DHRS3: variants seen among roughly 807,000 people sequenced by gnomAD.
The protein encoded by DHRS3 is dehydrogenase/reductase 3.
In DHRS3, 14 loss-of-function variants were observed where a neutral mutation model predicts 27.2. The observed-to-expected ratio is 0.52, with a 90% CI of 0.34 to 0.81. The LOEUF is 0.81. DHRS3 is among the 30% of genes least tolerant of loss of function. The pLI is 0.01. For missense variants in DHRS3, 322 were observed against 406.2 expected (o/e 0.79, Z 1.78); for synonymous variants, 165 against 175.9 (o/e 0.94, Z 0.49).
At chr1:12,597,091 G>C (rs144403670) in intron 1 of DHRS3, among the ~76,000 whole-genome samples, 2 of 151,688 alleles carry the variant, frequency 1.3e-5, no homozygotes, top group African/African-American at 4.8e-5. Flanking sequence ...ATCTCCCCCC[G>C]CCCTAGACGG....
chr1:12,597,799 C>T (rs574826541), intron 1 of DHRS3, among the ~76,000 whole-genome samples: 4 of 152,306 alleles, frequency 2.6e-5, no homozygotes, highest in African/African-American at 9.6e-5. Context: ...CCACATCATT[C>T]GCAGGGTCCC....
Position 12,594,409 on chromosome 1 carries a change from T to C in DHRS3, c.196-13743A>G, listed in dbSNP as rs1183257075. Among the ~76,000 whole-genome samples, 1 of 152,210 alleles carries C rather than the reference T, an allele frequency of 6.6e-6. No homozygotes were observed. The highest frequency in any genetic ancestry group is 2.4e-5 in the African/African-American group (1 of 41,460). On this transcript the variant is annotated intron_variant, in intron 1 of 5. Coordinates refer to ENST00000616661, the MANE Select transcript of DHRS3 (RefSeq NM_004753.7). This position sits in a 1 kb window ranked among gnomAD's most constrained non-coding sequence, Gnocchi z 4.1. Reference sequence around the variant, plus strand: ...TGTGTAAGTCCGGGGACAATGAGCATGAACACTTGTTCACGTGAACGAATG... The same window carrying C: ...TGTGTAAGTCCGGGGACAATGAGCACGAACACTTGTTCACGTGAACGAATG...
At chr1:12,603,747 A>C (rs1646851346) in intron 1 of DHRS3, among the ~76,000 whole-genome samples, 1 of 152,200 alleles carries the variant, frequency 6.6e-6, no homozygotes, top group Non-Finnish European at 1.5e-5. Context: ...AGGCTGCTGA[A>C]AAGAGGATTT....
intron 5 of DHRS3, among the ~76,000 whole-genome samples, chr1:12,572,262 G>C (rs1646544395): frequency 6.6e-6 from 1 of 152,150 alleles, no homozygotes; most frequent in Non-Finnish European, 1.5e-5. Flanking sequence ...CCACCTCCTG[G>C]GTTCACACCA....
rs1646948521 is a variant in DHRS3 at position 12,616,907 on chromosome 1, G to A, written c.195+247C>T. 1.8e-5 allele frequency: 17 copies of A among 926,368 alleles called. No individual in the cohort carries two copies. The South Asian group carries it at 2.9e-4, about 16-fold the overall frequency. The allele number at this position is 926,368 out of a possible 1,614,324, so 57.4% of individuals were successfully genotyped here. On this transcript the variant is annotated intron_variant, in intron 1 of 5. Coordinates refer to ENST00000616661, the MANE Select transcript of DHRS3 (RefSeq NM_004753.7). The stretch of plus-strand genomic sequence containing the variant: ...GGGTCTCTTAGGTTTCAGGGTGGGG[G>A]TGAATAGCCAGTCAGCCAGCCACCG...
At chr1:12,600,380 T>C in intron 1 of DHRS3, 1 of 985,382 alleles carries the variant, frequency 1.0e-6, no homozygotes, top group South Asian at 4.7e-5. Flanking sequence ...TGCCATCCCT[T>C]AAGGACCCCG....
chr1:12,573,164 C>T (rs1013723213), intron 4 of DHRS3, among the ~76,000 whole-genome samples: 1 of 151,766 alleles, frequency 6.6e-6, no homozygotes, highest in African/African-American at 2.4e-5. Flanking sequence ...TAATCTGGGC[C>T]CTGGTTGTCC....
At position 12,586,158 on chromosome 1, in the gene DHRS3, G is replaced by A. The variant is rs553242661; in HGVS notation, c.196-5492C>T. ...CCTTGCCCAGAGCTGCTCTCAAGGC[G>A]GCTATAGCCAGACAGATTCCTCAGC... On this transcript the variant is annotated intron_variant, in intron 1 of 5. Transcript: ENST00000616661. The surrounding 1 kb of genome is among the most constrained non-coding windows in gnomAD (Gnocchi z 5.0). Among the ~76,000 whole-genome samples, 7 of 152,328 alleles carry A rather than the reference G, an allele frequency of 4.6e-5. No individual in the cohort carries two copies. In the East Asian group the frequency reaches 5.8e-4, roughly 13 times the overall value.
At chr1:12,604,422 C>T (rs1646856166) in intron 1 of DHRS3, among the ~76,000 whole-genome samples, 1 of 152,194 alleles carries the variant, frequency 6.6e-6, no homozygotes, top group African/African-American at 2.4e-5. Context: ...CTATTTTATT[C>T]CTTTGGCAAG....
At position 12,594,099 on chromosome 1, in the gene DHRS3, G is replaced by A. The variant is rs1646769166; in HGVS notation, c.196-13433C>T. Among the ~76,000 whole-genome samples, 1 of 152,170 alleles carries A rather than the reference G, an allele frequency of 6.6e-6. No individual in the cohort carries two copies. Among genetic ancestry groups the A allele is most frequent in the Non-Finnish European group, 1.5e-5 (1 of 68,012 alleles). ...TGGGGTGGGGGTGCCAAGGAGAGGA[G>A]GGAGGAGCCAGCATCTACAGACCAC... On this transcript the variant is annotated intron_variant, in intron 1 of 5. Coordinates refer to ENST00000616661, the MANE Select transcript of DHRS3 (RefSeq NM_004753.7). The surrounding 1 kb of genome is among the most constrained non-coding windows in gnomAD (Gnocchi z 4.1).
intron 1 of DHRS3, among the ~76,000 whole-genome samples, chr1:12,581,707 G>A (rs114574342): frequency 6.6e-6 from 1 of 152,176 alleles, no homozygotes; most frequent in South Asian, 2.1e-4. Flanking sequence ...TGTCACTGGG[G>A]TCAGTGAGGC....
rs551927874 is a variant in DHRS3, at chr1:12,598,862, G to A, written c.196-18196C>T. 3.9e-5 allele frequency among the ~76,000 whole-genome samples: 6 copies of A among 152,240 alleles called. No individual in the cohort carries two copies. In the East Asian group the frequency reaches 9.7e-4, roughly 25 times the overall value. On this transcript the variant is annotated intron_variant, in intron 1 of 5. Transcript: ENST00000616661. ...AGCAGAGACCCCCAAACCGGTTGGC[G>A]GTACCCCTCAGAGCTGCTAGCAGAA...
intron 3 of DHRS3, 64 bp downstream of exon 3, chr1:12,579,228 TC>T: frequency 6.2e-7 from 1 of 1,612,416 alleles, no homozygotes; most frequent in Admixed American, 1.7e-5. Flanking sequence ...AATCATCCCC[TC>T]CCCTCCATCC....
intron 1 of DHRS3, among the ~76,000 whole-genome samples, chr1:12,601,410 T>A (rs1181211024): frequency 6.6e-6 from 1 of 152,052 alleles, no homozygotes; most frequent in Non-Finnish European, 1.5e-5. Context: ...AAAGGTTACG[T>A]TACGAGCAGC....
intron 1 of DHRS3, among the ~76,000 whole-genome samples, chr1:12,600,967 T>C (rs962216093): frequency 1.6e-4 from 24 of 151,260 alleles, no homozygotes; most frequent in African/African-American, 5.1e-4. Context: ...ATCTTTTTTT[T>C]CTTGGGGAGA....
chr1:12,587,141 CTTTTTT>C (rs564825355), intron 1 of DHRS3, among the ~76,000 whole-genome samples: 2 of 132,318 alleles, frequency 1.5e-5, no homozygotes, highest in Non-Finnish European at 3.2e-5. Flanking sequence ...CAACTCTAAA[CTTTTTT>C]TTTTTTTTTT....
At chr1:12,576,589 A>G (rs1557514001) in intron 4 of DHRS3, among the ~76,000 whole-genome samples, 1 of 151,562 alleles carries the variant, frequency 6.6e-6, no homozygotes, top group Non-Finnish European at 1.5e-5. Flanking sequence ...AAAACTGCAG[A>G]CTGCCACTGA....
chr1:12,583,777 T>G (rs1187912588), intron 1 of DHRS3, among the ~76,000 whole-genome samples: 2 of 151,322 alleles, frequency 1.3e-5, no homozygotes, highest in Non-Finnish European at 2.9e-5. Flanking sequence ...TGTCCATCCA[T>G]CCATGCATCC....
At chr1:12,577,335 A>G (rs1166117091) in intron 4 of DHRS3, among the ~76,000 whole-genome samples, 2 of 152,162 alleles carry the variant, frequency 1.3e-5, no homozygotes, top group Non-Finnish European at 2.9e-5. Context: ...TGCAGAACCT[A>G]TGATGGAGAC....
Sources: allele counts gnomAD v4.1 joint callset (sites outside exome capture counted in the v4.1 genomes callset), GRCh38; gene constraint gnomAD v4.1.1; non-coding constraint Gnocchi (gnomAD v3.1); transcripts MANE v1.5; gene names NCBI Gene and HGNC (gene_info 2026-07-23, HGNC 2026-07-21).